Variants in GALNT17 observed in about 807,000 individuals in gnomAD.
GALNT17 encodes UDP-GalNAc:polypeptide N-acetylgalactosaminyltransferase-like 3.
GALNT17 carries 29 observed loss-of-function variants against 63.7 expected under a neutral mutation model. That is an observed-to-expected ratio of 0.46 (90% CI 0.34 to 0.62). The LOEUF (loss-of-function observed/expected upper bound fraction) is 0.62, where lower values mean the gene tolerates loss of function less well. Ranked by LOEUF, GALNT17 falls within the 20% of genes least tolerant of loss-of-function variation. The probability of loss-of-function intolerance (pLI) is 0.01; values close to 1 mark genes in which losing one functional copy is unlikely to be tolerated. For synonymous variants in GALNT17, 305 were observed against 318.3 expected (o/e 0.96, Z 0.45); for missense variants, 603 against 799.6 (o/e 0.75, Z 2.97).
intron 5 of GALNT17, among the ~76,000 whole-genome samples, chr7:71,528,042 G>A (rs1044355130): frequency 6.6e-6 from 1 of 152,198 alleles, no homozygotes; most frequent in Non-Finnish European, 1.5e-5. Context: ...AAAATAGAGA[G>A]CTTGAAACTT....
At chr7:71,257,036 A>T (rs1790302279) in intron 1 of GALNT17, among the ~76,000 whole-genome samples, 1 of 152,172 alleles carries the variant, frequency 6.6e-6, no homozygotes, top group South Asian at 2.1e-4. Flanking sequence ...TGGGTGGCTG[A>T]GCGGCCTCTG....
intron 5 of GALNT17, among the ~76,000 whole-genome samples, chr7:71,545,148 C>T (rs189265108): frequency 6.6e-6 from 1 of 152,170 alleles, no homozygotes; most frequent in East Asian, 1.9e-4. Flanking sequence ...GAACTTATCT[C>T]TCGTCCCCTC....
intron 1 of GALNT17, among the ~76,000 whole-genome samples, chr7:71,260,705 C>A (rs1313593708): frequency 6.6e-6 from 1 of 152,028 alleles, no homozygotes; most frequent in Admixed American, 6.5e-5. Context: ...AGTGACCCTC[C>A]TGCGTCAGCC....
intron 6 of GALNT17, among the ~76,000 whole-genome samples, chr7:71,591,882 C>T (rs564350698): frequency 3.9e-5 from 6 of 152,118 alleles, no homozygotes; most frequent in Non-Finnish European, 8.8e-5. Context: ...AGGCTGGTCT[C>T]GAAGTCCTGA....
At chr7:71,632,026 G>A (rs1790459259) in intron 6 of GALNT17, among the ~76,000 whole-genome samples, 1 of 151,940 alleles carries the variant, frequency 6.6e-6, no homozygotes, top group South Asian at 2.1e-4. Context: ...GGGATGACAG[G>A]TGTGAGCCAC....
intron 5 of GALNT17, among the ~76,000 whole-genome samples, chr7:71,547,016 G>T (rs961281173): frequency 5.3e-5 from 8 of 151,850 alleles, no homozygotes; most frequent in Non-Finnish European, 8.8e-5. Context: ...TCTTGAGACA[G>T]AGTCTCACTC....
chr7:71,492,057 A>G (rs1788019112), intron 5 of GALNT17, among the ~76,000 whole-genome samples: 2 of 152,148 alleles, frequency 1.3e-5, no homozygotes, highest in Admixed American at 6.5e-5. Flanking sequence ...CAAGGTGGGC[A>G]GATCATGAGG....
At chr7:71,539,661 C>A (rs370820741) in intron 5 of GALNT17, among the ~76,000 whole-genome samples, 1 of 147,544 alleles carries the variant, frequency 6.8e-6, no homozygotes, top group Non-Finnish European at 1.5e-5. Flanking sequence ...CTAAATGCAT[C>A]AGAGACACAT....
chr7:71,174,570 A>T (rs1051703445), intron 1 of GALNT17, among the ~76,000 whole-genome samples: 1 of 152,172 alleles, frequency 6.6e-6, no homozygotes, highest in Non-Finnish European at 1.5e-5. Flanking sequence ...GTGGTGGGTT[A>T]TCATTAATTC....
At chr7:71,322,632 A>G (rs1238247227) in intron 1 of GALNT17, among the ~76,000 whole-genome samples, 2 of 152,168 alleles carry the variant, frequency 1.3e-5, no homozygotes, top group Admixed American at 6.5e-5. Flanking sequence ...TGAAATTCAT[A>G]TTTTGAAGCC....
chr7:71,337,779 A>G (rs1791935675), intron 2 of GALNT17, among the ~76,000 whole-genome samples: 1 of 151,918 alleles, frequency 6.6e-6, no homozygotes, highest in Admixed American at 6.6e-5. Flanking sequence ...GAGGCAGGAA[A>G]ATCACTTGAA....
chr7:71,506,719 C>T (rs1788275584), intron 5 of GALNT17, among the ~76,000 whole-genome samples: 2 of 152,122 alleles, frequency 1.3e-5, no homozygotes, highest in East Asian at 1.9e-4. Context: ...AAACATTTGT[C>T]ATTTCTTTGT....
intron 1 of GALNT17, among the ~76,000 whole-genome samples, chr7:71,271,678 T>C (rs1400528931): frequency 6.6e-6 from 1 of 152,220 alleles, no homozygotes; most frequent in Non-Finnish European, 1.5e-5. Flanking sequence ...CCACCACAGT[T>C]AAGATGCAGA....
chr7:71,145,813 C>T (rs1167492594), intron 1 of GALNT17, among the ~76,000 whole-genome samples: 1 of 152,150 alleles, frequency 6.6e-6, no homozygotes, highest in African/African-American at 2.4e-5. Context: ...TCAAATGATT[C>T]TCCTGCCTCA....
intron 1 of GALNT17, among the ~76,000 whole-genome samples, chr7:71,173,175 G>A (rs1397605153): frequency 2.0e-5 from 3 of 152,160 alleles, no homozygotes; most frequent in Non-Finnish European, 4.4e-5. Flanking sequence ...GTTATATATT[G>A]ATTTGGTTGT....
intron 5 of GALNT17, among the ~76,000 whole-genome samples, chr7:71,529,412 C>T (rs1788678190): frequency 6.6e-6 from 1 of 151,966 alleles, no homozygotes. Flanking sequence ...TTCATATTCA[C>T]CTATTTGTAA....
chr7:71,168,993 C>T (rs1175269404), intron 1 of GALNT17, among the ~76,000 whole-genome samples: 1 of 152,126 alleles, frequency 6.6e-6, no homozygotes, highest in Non-Finnish European at 1.5e-5. Context: ...GTCCCTGGCC[C>T]TGTGAGAGTC....
At chr7:71,432,890 ACCT>A (rs1786893410) in intron 5 of GALNT17, among the ~76,000 whole-genome samples, 1 of 151,978 alleles carries the variant, frequency 6.6e-6, no homozygotes, top group Non-Finnish European at 1.5e-5. Flanking sequence ...ACTCACTGCA[ACCT>A]CCACCTTCTG....
intron 6 of GALNT17, among the ~76,000 whole-genome samples, chr7:71,629,395 C>T (rs1339341875): frequency 6.6e-6 from 1 of 152,174 alleles, no homozygotes; most frequent in East Asian, 1.9e-4. Context: ...GTCCTGAAGA[C>T]ATTACAAACT....
Sources: allele counts gnomAD v4.1 joint callset (sites outside exome capture counted in the v4.1 genomes callset), GRCh38; gene constraint gnomAD v4.1.1; transcripts MANE v1.5; gene names NCBI Gene and HGNC (gene_info 2026-07-23, HGNC 2026-07-21).